The following ANKRD36C variants were observed in gnomAD, a reference collection of about 807,000 sequenced individuals.
ANKRD36C encodes ankyrin repeat domain 36C.
A neutral mutation model predicts 276.4 loss-of-function variants in ANKRD36C; 61 were observed. The ratio of observed to expected loss-of-function variants is 0.22; its 90% CI spans 0.18 to 0.27. The LOEUF is 0.27. ANKRD36C is among the 10% of genes least tolerant of loss of function. The probability of loss-of-function intolerance (pLI) is 1.00; values close to 1 mark genes in which losing one functional copy is unlikely to be tolerated. For missense variants in ANKRD36C, 1,447 were observed against 2,032.3 expected (o/e 0.71, Z 5.54); for synonymous variants, 483 against 680.1 (o/e 0.71, Z 4.51).
intron 61 of ANKRD36C, among the ~76,000 whole-genome samples, chr2:95,859,234 A>G (rs534601288): frequency 1.7e-4 from 26 of 152,118 alleles, no homozygotes; most frequent in African/African-American, 5.5e-4. Context: ...GCATTTCACT[A>G]TGTTGGGCAG....
intron 42 of ANKRD36C, 22 bp from the exon 46 acceptor site, chr2:95,910,467 A>T: frequency 2.5e-6 from 4 of 1,588,444 alleles, no homozygotes; most frequent in Non-Finnish European, 3.4e-6. Context: ...TTGAAACGAA[A>T]TAATAAATAA....
chr2:95,876,380 A>G (rs1675954107), intron 59 of ANKRD36C, 59 bp downstream of exon 79: 1 of 1,329,034 alleles, frequency 7.5e-7, no homozygotes, highest in African/African-American at 1.4e-5. Flanking sequence ...AATATGCTGT[A>G]TTACCAAAGC....
chr2:95,909,133 T>C (rs1676838862), intron 42 of ANKRD36C, among the ~76,000 whole-genome samples: 2 of 144,298 alleles, frequency 1.4e-5, no homozygotes, highest in Admixed American at 1.4e-4. Flanking sequence ...CTCTTTAACT[T>C]GCCCAATAAC....
At chr2:95,987,011 T>C in intron 2 of ANKRD36C, 81 bp downstream of exon 2, 1 of 1,556,074 alleles carries the variant, frequency 6.4e-7, no homozygotes, top group East Asian at 2.3e-5. Flanking sequence ...TATGGTGGTA[T>C]TCCAATGAGA....
At chr2:95,870,970 A>C (rs887250756) in intron 59 of ANKRD36C, among the ~76,000 whole-genome samples, 2 of 152,290 alleles carry the variant, frequency 1.3e-5, no homozygotes, top group Non-Finnish European at 1.5e-5. Context: ...GAGAGAAAAA[A>C]GAATGAAAAG....
At chr2:95,968,179 T>C (rs1324387568) in intron 6 of ANKRD36C, among the ~76,000 whole-genome samples, 1 of 152,146 alleles carries the variant, frequency 6.6e-6, no homozygotes, top group Admixed American at 6.6e-5. Flanking sequence ...TTACAGAGAC[T>C]CTCATGATTT....
In ANKRD36C at chr2:95,919,634, C is replaced by A. The variant is rs973203574; in HGVS notation, c.2246-1592G>T. ...CCTGCTGAATCAGAATGTGCAGCTT[C>A]GGCGACTCCCCCCACCCACCCTCCG... On this transcript the variant is annotated intron_variant, in intron 34 of 66. Transcript: ENST00000456556. 123 of 613,406 alleles carry A rather than the reference C, an allele frequency of 2.0e-4. 11 individuals are homozygous for A. Among genetic ancestry groups the A allele is most frequent in the East Asian group, 1.5e-3 (8 of 5,222 alleles). The allele number at this position is 613,406 out of a possible 1,614,324, so 38.0% of individuals were successfully genotyped here.
chr2:95,882,166 C>T (rs1173199616), intron 56 of ANKRD36C, 136 bp downstream of exon 76: 2 of 734,280 alleles, frequency 2.7e-6, no homozygotes, highest in Non-Finnish European at 4.6e-6. Flanking sequence ...CCTGACAACT[C>T]AGTAGAAATG....
intron 30 of ANKRD36C, among the ~76,000 whole-genome samples, chr2:95,923,942 G>C (rs1479844122): frequency 2.0e-5 from 3 of 151,634 alleles, no homozygotes; most frequent in South Asian, 2.1e-4. Flanking sequence ...AACAGTGTTA[G>C]TATCAATGTG....
chr2:95,872,174 A>C (rs1246356479), intron 59 of ANKRD36C, among the ~76,000 whole-genome samples: 2 of 144,666 alleles, frequency 1.4e-5, no homozygotes, highest in African/African-American at 5.1e-5. Flanking sequence ...GACCTAATAG[A>C]CATCTACAGA....
chr2:95,912,197 T>C, intron 42 of ANKRD36C, 47 bp downstream of exon 44: 2 of 1,540,668 alleles, frequency 1.3e-6, no homozygotes, highest in Non-Finnish European at 1.7e-6. Context: ...GGAAGAGAAC[T>C]TCTTATCTGG....
At chr2:95,859,473 C>G (rs1002238253) in intron 61 of ANKRD36C, among the ~76,000 whole-genome samples, 1 of 152,034 alleles carries the variant, frequency 6.6e-6, no homozygotes, top group African/African-American at 2.4e-5. Context: ...AAAAAAGTTT[C>G]TATACTTTAA....
At chr2:95,921,140 T>A (rs554721693) in intron 34 of ANKRD36C, among the ~76,000 whole-genome samples, 7 of 150,800 alleles carry the variant, frequency 4.6e-5, no homozygotes, top group South Asian at 2.1e-4. Flanking sequence ...ACAATCCATC[T>A]TCCTTGGGAA....
chr2:95,956,717 G>A (rs912165505), intron 13 of ANKRD36C, 69 bp downstream of exon 13: 16 of 1,381,934 alleles, frequency 1.2e-5, no homozygotes, highest in African/African-American at 4.3e-5. Context: ...AACACTAAAC[G>A]GGCACTAGTT....
chr2:95,919,626 T>G (rs1677210632), intron 34 of ANKRD36C, 107 bp downstream of exon 36: 1 of 577,152 alleles, frequency 1.7e-6, no homozygotes, highest in African/African-American at 2.1e-5. Context: ...AATCAGAATG[T>G]GCAGCTTCGG....
At chr2:95,965,406 G>A (rs373023015) in intron 6 of ANKRD36C, among the ~76,000 whole-genome samples, 1 of 152,050 alleles carries the variant, frequency 6.6e-6, no homozygotes, top group African/African-American at 2.4e-5. Flanking sequence ...GAGCCAAGAG[G>A]ACAAGTAACA....
At chr2:95,961,327 T>C (rs1678455135) in intron 8 of ANKRD36C, among the ~76,000 whole-genome samples, 1 of 152,032 alleles carries the variant, frequency 6.6e-6, no homozygotes, top group African/African-American at 2.4e-5. Flanking sequence ...CATCCACTCA[T>C]GGCAAGAAAG....
chr2:95,914,572 T>G (rs1212299215), intron 38 of ANKRD36C, among the ~76,000 whole-genome samples: 1 of 151,466 alleles, frequency 6.6e-6, no homozygotes, highest in Non-Finnish European at 1.5e-5. Context: ...AATCTCAATG[T>G]GCATAGGCCG....
chr2:95,927,756 T>C (rs1015764443), intron 26 of ANKRD36C, among the ~76,000 whole-genome samples: 3 of 151,662 alleles, frequency 2.0e-5, no homozygotes, highest in Non-Finnish European at 4.4e-5. Context: ...AGGTGGTACA[T>C]TATCCCACAT....
Sources: gnomAD v4.1 joint callset for allele counts (sites outside exome capture counted in the v4.1 genomes callset) on GRCh38, gnomAD v4.1.1 for gene constraint, MANE v1.5 for transcripts, NCBI Gene and HGNC (gene_info 2026-07-23, HGNC 2026-07-21) for gene names.